Variants in TBC1D5 observed in about 807,000 individuals in gnomAD.
The protein encoded by TBC1D5 is TBC1 domain family member 5.
A neutral mutation model predicts 100.3 loss-of-function variants in TBC1D5; 75 were observed. The observed-to-expected ratio is 0.75, with a 90% CI of 0.62 to 0.91. The LOEUF is 0.91. Ranked by LOEUF, TBC1D5 falls within the 40% of genes least tolerant of loss-of-function variation. TBC1D5 has a pLI of 0.00. For missense variants in TBC1D5, 910 were observed against 942.4 expected, an observed-to-expected ratio of 0.97 and a Z score of 0.45; for synonymous variants, 323 against 325.6, an observed-to-expected ratio of 0.99 and a Z score of 0.09.
chr3:17,539,675 T>C (rs542457760), intron 2 of TBC1D5, among the ~76,000 whole-genome samples: 1 of 152,302 alleles, frequency 6.6e-6, no homozygotes, highest in East Asian at 1.9e-4. Context: ...CTCCCCATCA[T>C]GTCCTGAACT....
chr3:17,401,276 A>AAT (rs1227351983), intron 8 of TBC1D5, among the ~76,000 whole-genome samples: 24 of 146,962 alleles, frequency 1.6e-4, no homozygotes, highest in East Asian at 4.0e-4. Flanking sequence ...GTATGTGTAT[A>AAT]ATACACATAT....
At chr3:17,210,749 C>T (rs540198429) in intron 18 of TBC1D5, among the ~76,000 whole-genome samples, 73 of 152,130 alleles carry the variant, frequency 4.8e-4, no homozygotes, top group Middle Eastern at 3.4e-3. Context: ...AAAAATTTCT[C>T]GAATTGTATT....
chr3:17,660,962 G>A (rs1215010656), intron 1 of TBC1D5, among the ~76,000 whole-genome samples: 2 of 152,070 alleles, frequency 1.3e-5, no homozygotes, highest in Non-Finnish European at 2.9e-5. Context: ...GAAGGCTAAC[G>A]TAAGCTTTCT....
chr3:17,675,144 C>T (rs902909927), intron 1 of TBC1D5, among the ~76,000 whole-genome samples: 3 of 151,886 alleles, frequency 2.0e-5, no homozygotes, highest in Admixed American at 6.6e-5. Context: ...ACTTTAAGAA[C>T]GTTTCTAACA....
chr3:17,651,983 T>A (rs1354179456), intron 1 of TBC1D5, among the ~76,000 whole-genome samples: 3 of 152,178 alleles, frequency 2.0e-5, no homozygotes, highest in Non-Finnish European at 4.4e-5. Context: ...AGGAAAAGAT[T>A]TCCTAGGTTG....
intron 13 of TBC1D5, among the ~76,000 whole-genome samples, chr3:17,363,924 A>G (rs2091924624): frequency 6.6e-6 from 1 of 151,986 alleles, no homozygotes; most frequent in Admixed American, 6.6e-5. Flanking sequence ...ACCAATTTAA[A>G]AATCATAAGG....
chr3:17,464,487 A>C (rs185461618), intron 3 of TBC1D5, among the ~76,000 whole-genome samples: 50 of 152,184 alleles, frequency 3.3e-4, no homozygotes, highest in Non-Finnish European at 5.3e-4. Context: ...TGTAAACTTC[A>C]AATCTTTCCC....
Position 17,636,329 on chromosome 3 carries a change from T to C in TBC1D5, c.-100-12416A>G, listed in dbSNP as rs9865647. On this transcript the variant is annotated intron_variant, in intron 1 of 21. Coordinates refer to ENST00000253692, the Ensembl canonical transcript of TBC1D5. Reference sequence around the variant, plus strand: ...TGACTCCCCTATCCCTATGAGATACTTTTATTATTCCTGTTAACTATGGGA... The same window carrying C: ...TGACTCCCCTATCCCTATGAGATACCTTTATTATTCCTGTTAACTATGGGA... Among the ~76,000 whole-genome samples, 496 of 152,298 alleles carry C rather than the reference T, an allele frequency of 3.3e-3. 3 individuals carry two copies. Among genetic ancestry groups the C allele is most frequent in the African/African-American group, 0.01 (417 of 41,562 alleles).
At chr3:17,446,956 G>C (rs1402685921) in intron 3 of TBC1D5, among the ~76,000 whole-genome samples, 1 of 150,104 alleles carries the variant, frequency 6.7e-6, no homozygotes, top group African/African-American at 2.5e-5. Context: ...GGGCGACAGA[G>C]CAAGACTCCA....
At chr3:17,530,986 C>T (rs1015970900) in intron 2 of TBC1D5, among the ~76,000 whole-genome samples, 1 of 152,112 alleles carries the variant, frequency 6.6e-6, no homozygotes, top group African/African-American at 2.4e-5. Flanking sequence ...CTGGCCAGGG[C>T]AATTAGGCAG....
chr3:17,431,472 G>A (rs1258755636), intron 3 of TBC1D5, among the ~76,000 whole-genome samples: 1 of 151,838 alleles, frequency 6.6e-6, no homozygotes, highest in Non-Finnish European at 1.5e-5. Flanking sequence ...TCTTTATTGA[G>A]TATATTTTGA....
intron 1 of TBC1D5, among the ~76,000 whole-genome samples, chr3:17,627,431 A>T (rs1386412943): frequency 1.3e-5 from 2 of 152,190 alleles, no homozygotes; most frequent in African/African-American, 4.8e-5. Context: ...AAGAGCAGAG[A>T]CTGAAAATTA....
intron 3 of TBC1D5, among the ~76,000 whole-genome samples, chr3:17,431,899 T>C (rs1203449481): frequency 6.6e-6 from 1 of 152,148 alleles, no homozygotes; most frequent in Non-Finnish European, 1.5e-5. Context: ...TGTGCACTGT[T>C]GAAATCTTTC....
intron 13 of TBC1D5, among the ~76,000 whole-genome samples, chr3:17,362,764 G>A (rs560796187): frequency 6.6e-5 from 10 of 152,262 alleles, no homozygotes; most frequent in Admixed American, 1.3e-4. Flanking sequence ...GAGCCACTGC[G>A]CAAGGCTCTG....
At chr3:17,558,957 CTA>C (rs1437586751) in intron 2 of TBC1D5, among the ~76,000 whole-genome samples, 1 of 152,124 alleles carries the variant, frequency 6.6e-6, no homozygotes, top group Non-Finnish European at 1.5e-5. Flanking sequence ...AACCCCTGTT[CTA>C]AATCACATGT....
intron 3 of TBC1D5, among the ~76,000 whole-genome samples, chr3:17,487,518 T>A (rs1318019233): frequency 6.6e-6 from 1 of 152,298 alleles, no homozygotes; most frequent in East Asian, 1.9e-4. Context: ...AGACCACTTA[T>A]GCAAAAGATT....
intron 13 of TBC1D5, among the ~76,000 whole-genome samples, chr3:17,324,428 G>A (rs1338706337): frequency 6.6e-6 from 1 of 152,182 alleles, no homozygotes; most frequent in Admixed American, 6.5e-5. Context: ...GATCACTTGA[G>A]GTCAGGAGTT....
intron 13 of TBC1D5, among the ~76,000 whole-genome samples, chr3:17,312,874 T>C (rs1351360587): frequency 6.6e-6 from 1 of 152,164 alleles, no homozygotes; most frequent in Non-Finnish European, 1.5e-5. Context: ...ATCATGAACA[T>C]GTTGGGTACA....
intron 5 of TBC1D5, 51 bp downstream of exon 5, chr3:17,406,367 A>G (rs754855758): frequency 6.7e-7 from 1 of 1,503,154 alleles, no homozygotes; most frequent in Admixed American, 1.9e-5. Flanking sequence ...GCATCAGGTA[A>G]TGTGTTGATA....
Sources: gnomAD v4.1 joint callset for allele counts (sites outside exome capture counted in the v4.1 genomes callset) on GRCh38, gnomAD v4.1.1 for gene constraint, MANE v1.5 for transcripts, NCBI Gene and HGNC (gene_info 2026-07-23, HGNC 2026-07-21) for gene names.